The following PCLO variants were observed in gnomAD, a reference collection of about 807,000 sequenced individuals.
The protein encoded by PCLO is protein piccolo.
Under a neutral mutation model 427.5 loss-of-function variants are expected in PCLO, and 82 were observed. That is an observed-to-expected ratio of 0.19 (90% CI 0.16 to 0.23). PCLO has a LOEUF of 0.23. Among genes scored for constraint, PCLO ranks in the 10% least tolerant of loss-of-function variants. The pLI is 1.00. For missense variants in PCLO, 6,239 were observed against 6,115.9 expected (o/e 1.02, Z -0.67); for synonymous variants, 2,357 against 2,155.4 (o/e 1.09, Z -2.59).
At chr7:82,877,830 T>A (rs1584089745) in intron 10 of PCLO, among the ~76,000 whole-genome samples, 1 of 151,958 alleles carries the variant, frequency 6.6e-6, no homozygotes, top group Admixed American at 6.6e-5. Flanking sequence ...CACATCCGGG[T>A]AATTTTTGTA....
intron 22 of PCLO, among the ~76,000 whole-genome samples, chr7:82,762,822 T>C (rs1173951209): frequency 6.6e-6 from 1 of 152,032 alleles, no homozygotes; most frequent in African/African-American, 2.4e-5. Context: ...TTCTTCCTTC[T>C]GTAGAGATGG....
At chr7:82,945,028 C>T (rs2057888) in intron 6 of PCLO, among the ~76,000 whole-genome samples, 8,297 of 152,138 alleles carry the variant, frequency 0.055, 751 homozygotes, top group African/African-American at 0.19. Flanking sequence ...TTTGCTAAAT[C>T]ATGATGAAAA....
chr7:83,110,007 A>G (rs1175609990), intron 3 of PCLO, among the ~76,000 whole-genome samples: 3 of 151,734 alleles, frequency 2.0e-5, no homozygotes, highest in Non-Finnish European at 4.4e-5. Flanking sequence ...CTCTGTGCTC[A>G]GTTTCCTCAT....
chr7:82,820,945 C>G, intron 20 of PCLO: 1 of 1,229,224 alleles, frequency 8.1e-7, no homozygotes, highest in South Asian at 4.3e-5. Flanking sequence ...CGGGACTGAT[C>G]TTGGGACTTA....
intron 3 of PCLO, among the ~76,000 whole-genome samples, chr7:83,019,433 G>T (rs1562922239): frequency 2.0e-5 from 3 of 147,548 alleles, no homozygotes; most frequent in Non-Finnish European, 3.0e-5. Context: ...CCAATCATAA[G>T]TTTTTTTTTT....
intron 3 of PCLO, among the ~76,000 whole-genome samples, chr7:82,980,240 G>A (rs925954027): frequency 2.0e-5 from 3 of 152,116 alleles, no homozygotes; most frequent in South Asian, 2.1e-4. Context: ...GGAGCCGAGA[G>A]AGAGAAAGAG....
At chr7:82,783,458 C>A (rs1197724703) in intron 22 of PCLO, among the ~76,000 whole-genome samples, 1 of 152,076 alleles carries the variant, frequency 6.6e-6, no homozygotes. Context: ...ACTAAAAATA[C>A]ATTAAAAAAG....
Position 82,761,504 on chromosome 7 carries a change from T to A in PCLO, c.15008-11A>T, listed in dbSNP as rs769741058. On this transcript the variant is annotated splice_polypyrimidine_tract_variant and intron_variant, in intron 22 of 24. Transcript: ENST00000333891. ...TTACCTGAGTTTTAGCTGGGAGAAT[T>A]TAATAAAAATGCAAAGAAGTATGTA... The A allele has an allele frequency of 6.3e-7, 1 of 1,582,770 alleles. No homozygotes were observed. The highest frequency in any genetic ancestry group is 1.1e-5 in the South Asian group (1 of 88,878).
chr7:83,162,156 C>G (rs1474672085), intron 1 of PCLO, among the ~76,000 whole-genome samples, 189 bp downstream of exon 1: 1 of 152,222 alleles, frequency 6.6e-6, no homozygotes, highest in Admixed American at 6.5e-5. Flanking sequence ...CCACCAGAAA[C>G]TCTACAATGC....
chr7:83,150,210 G>A (rs935120699), intron 2 of PCLO, among the ~76,000 whole-genome samples: 11 of 152,070 alleles, frequency 7.2e-5, no homozygotes, highest in African/African-American at 1.2e-4. Context: ...GTAAATCAAC[G>A]AAAACAATAT....
chr7:82,852,601 T>C (rs976183923), intron 10 of PCLO, among the ~76,000 whole-genome samples: 3 of 152,108 alleles, frequency 2.0e-5, no homozygotes, highest in African/African-American at 7.2e-5. Context: ...TTTTGAGGTT[T>C]TGGGATTCGG....
chr7:83,107,019 T>G (rs6974227), intron 3 of PCLO, among the ~76,000 whole-genome samples: 70,056 of 151,860 alleles, frequency 0.46, 16,568 homozygotes, highest in East Asian at 0.71. Flanking sequence ...AGACCATCTA[T>G]AAGCCTGTGG....
intron 3 of PCLO, among the ~76,000 whole-genome samples, chr7:82,990,230 A>G (rs1796346349): frequency 1.3e-5 from 2 of 152,126 alleles, no homozygotes. Context: ...TTACATATCC[A>G]AGAATGACAT....
Position 83,116,546 on chromosome 7 carries a change from A to T in PCLO, c.3300+17704T>A, listed in dbSNP as rs1233587268. 2.0e-5 allele frequency among the ~76,000 whole-genome samples: 3 copies of T among 152,316 alleles called. No homozygotes were observed. The Middle Eastern group carries it at 0.01, about 522-fold the overall frequency. On this transcript the variant is annotated intron_variant, in intron 3 of 24. Coordinates refer to ENST00000333891, the MANE Select transcript of PCLO (RefSeq NM_033026.6). ...AAGTTGTATGTATTCACCATGCACA[A>T]CATGATGTTTTGAAGTATGCATAAA...
intron 3 of PCLO, among the ~76,000 whole-genome samples, chr7:83,112,201 G>A (rs1034369202): frequency 4.6e-5 from 7 of 152,070 alleles, no homozygotes; most frequent in Admixed American, 1.3e-4. Context: ...GAGATTACAA[G>A]TGCCCGCCAC....
intron 6 of PCLO, among the ~76,000 whole-genome samples, chr7:82,943,504 T>C (rs1795131161): frequency 6.6e-6 from 1 of 152,194 alleles, no homozygotes; most frequent in African/African-American, 2.4e-5. Flanking sequence ...TACTTTAAGA[T>C]ACATAAATCT....
At chr7:83,059,076 T>C (rs1041584836) in intron 3 of PCLO, among the ~76,000 whole-genome samples, 5 of 151,336 alleles carry the variant, frequency 3.3e-5, no homozygotes, top group African/African-American at 1.2e-4. Context: ...AGCTACAGCA[T>C]CTTTAAAATT....
chr7:82,842,338 A>T (rs1792387808), intron 13 of PCLO, among the ~76,000 whole-genome samples: 2 of 152,242 alleles, frequency 1.3e-5, no homozygotes, highest in East Asian at 3.9e-4. Context: ...GGACATCCAC[A>T]TGCAGAGGAA....
Position 83,148,181 on chromosome 7 carries a change from A to C in PCLO, c.1893+6567T>G, listed in dbSNP as rs534061837. On this transcript the variant is annotated intron_variant, in intron 2 of 24. Coordinates refer to ENST00000333891, the MANE Select transcript of PCLO (RefSeq NM_033026.6). ...ACCCTTACCCTTGACCCACAGCCTC[A>C]GTTAGGACTACAGCCGATTAGAATT... Among the ~76,000 whole-genome samples the C allele has an allele frequency of 3.3e-5, 5 of 152,264 alleles. No homozygotes were observed. The South Asian group carries it at 1.0e-3, about 32-fold the overall frequency.
Sources: gnomAD v4.1 joint callset for allele counts (sites outside exome capture counted in the v4.1 genomes callset) on GRCh38, gnomAD v4.1.1 for gene constraint, MANE v1.5 for transcripts, NCBI Gene and HGNC (gene_info 2026-07-23, HGNC 2026-07-21) for gene names.